BMP8A: variants seen among roughly 807,000 people sequenced by gnomAD.
BMP8A encodes the protein bone morphogenetic protein 8a.
A neutral mutation model predicts 36.8 loss-of-function variants in BMP8A; 14 were observed. The observed-to-expected ratio is 0.38, with a 90% CI of 0.25 to 0.60. The LOEUF is 0.60. Ranked by LOEUF, BMP8A falls within the 20% of genes least tolerant of loss-of-function variation. The pLI is 0.63. For synonymous variants in BMP8A, 120 were observed against 237.7 expected, an observed-to-expected ratio of 0.50 and a Z score of 4.55; for missense variants, 267 against 551.1, an observed-to-expected ratio of 0.48 and a Z score of 5.16.
At chr1:39,501,991 G>A (rs928425356) in intron 1 of BMP8A, among the ~76,000 whole-genome samples, 2 of 151,114 alleles carry the variant, frequency 1.3e-5, no homozygotes, top group African/African-American at 4.9e-5. Flanking sequence ...TATAATCCCA[G>A]CACTTTGGGA....
chr1:39,510,767 C>T (rs1645346777), intron 1 of BMP8A, among the ~76,000 whole-genome samples: 1 of 152,232 alleles, frequency 6.6e-6, no homozygotes, highest in South Asian at 2.1e-4. Flanking sequence ...ACCAGGTTTC[C>T]CTGCAGGGCT....
chr1:39,515,768 C>T lies in BMP8A; in HGVS notation c.673+3864C>T, dbSNP rs1276885860. The T allele has an allele frequency of 1.2e-4, 185 of 1,592,060 alleles. 20 individuals carry two copies. Among genetic ancestry groups the T allele is most frequent in the Non-Finnish European group, 1.5e-4 (169 of 1,164,192 alleles). On this transcript the variant is annotated intron_variant, in intron 3 of 6. Coordinates refer to ENST00000331593, the MANE Select transcript of BMP8A (RefSeq NM_181809.4). ...GATAAAGGGGCAGAAATACGAGAAACGAATTGAGCGCTTAACGATCCGGAA... is the reference window on the plus strand; with the variant it reads ...GATAAAGGGGCAGAAATACGAGAAATGAATTGAGCGCTTAACGATCCGGAA...
chr1:39,496,946 C>G (rs1477382122), intron 1 of BMP8A, among the ~76,000 whole-genome samples: 1 of 152,160 alleles, frequency 6.6e-6, no homozygotes, highest in African/African-American at 2.4e-5. Context: ...CTAGGGAGCC[C>G]CATTCCTACC....
intron 3 of BMP8A, chr1:39,514,894 G>C (rs1645383358): frequency 5.7e-6 from 8 of 1,415,886 alleles, no homozygotes; most frequent in Non-Finnish European, 5.5e-6. Flanking sequence ...GCTCTGTGAC[G>C]CGCGGCCCGA....
At chr1:39,495,130 G>T (rs1287193285) in intron 1 of BMP8A, among the ~76,000 whole-genome samples, 1 of 152,164 alleles carries the variant, frequency 6.6e-6, no homozygotes, top group East Asian at 1.9e-4. Context: ...GGGTCGCTGT[G>T]GTGTCACTGC....
chr1:39,508,932 C>T (rs539123659), intron 1 of BMP8A, among the ~76,000 whole-genome samples: 83 of 152,326 alleles, frequency 5.4e-4, no homozygotes, highest in African/African-American at 3.6e-4. Flanking sequence ...GCCCACAGCG[C>T]GGAAGTTTGG....
In BMP8A at chr1:39,523,099, C is replaced by T. The variant is rs749532350; in HGVS notation, c.1041C>T (p.His347=). The part of the protein sequence containing the change: ...PLDSCMNATN[H]AILQSLVHLM... ...ACTCCTGCATGAACGCCACCAACCA[C>T]GCCATCCTGCAGTCCCTGGTCAGTA... is the stretch of plus-strand genomic sequence containing the variant. Residue 347 remains histidine, a synonymous_variant, in exon 6 of 7, where the codon CAC becomes CAT. Coordinates refer to ENST00000331593, the MANE Select transcript of BMP8A (RefSeq NM_181809.4). 5.1e-5 allele frequency: 82 copies of T among 1,613,978 alleles called. No homozygotes were observed. The East Asian group carries it at 1.6e-3, about 32-fold the overall frequency.
At position 39,515,686 on chromosome 1, in the gene BMP8A, A is replaced by C. The variant is rs542420830; in HGVS notation, c.673+3782A>C. On this transcript the variant is annotated intron_variant, in intron 3 of 6. Transcript: ENST00000331593. ...AAAGCTGCAGACGTCACGGCGGTGGAGGTGGGGGCTTCCCCCCAGAAGACA... is the reference window on the plus strand; with the variant it reads ...AAAGCTGCAGACGTCACGGCGGTGGCGGTGGGGGCTTCCCCCCAGAAGACA... 582 of 1,574,728 alleles carry C rather than the reference A, an allele frequency of 3.7e-4. 75 individuals are homozygous for C. Among genetic ancestry groups the C allele is most frequent in the Admixed American group, 1.3e-3 (74 of 58,406 alleles).
rs796179744 is a variant in BMP8A, at chr1:39,527,940, G to T, written c.*2142G>T. On this transcript the variant is annotated 3_prime_UTR_variant, in exon 7 of 7. Transcript: ENST00000331593. Reference sequence around the variant, plus strand: ...GCTTGAGACATGGCCTGAGCCCCCTGCTGCCATAGGACTTGGGGCCTATCT... The same window carrying T: ...GCTTGAGACATGGCCTGAGCCCCCTTCTGCCATAGGACTTGGGGCCTATCT... Among the ~76,000 whole-genome samples, 3 of 152,204 alleles carry T rather than the reference G, an allele frequency of 2.0e-5. No homozygotes were observed. The highest frequency in any genetic ancestry group is 7.2e-5 in the African/African-American group (3 of 41,442).
chr1:39,506,203 TTTTTTG>T (rs537722152), intron 1 of BMP8A, among the ~76,000 whole-genome samples: 2 of 152,080 alleles, frequency 1.3e-5, no homozygotes, highest in African/African-American at 2.4e-5. Flanking sequence ...ATTTCCTGGT[TTTTTTG>T]TTTTTGTTTT....
At chr1:39,507,168 A>T (rs1479913045) in intron 1 of BMP8A, among the ~76,000 whole-genome samples, 1 of 152,180 alleles carries the variant, frequency 6.6e-6, no homozygotes, top group Non-Finnish European at 1.5e-5. Flanking sequence ...TCCTGGCAGG[A>T]TGTATCTCAG....
chr1:39,493,446 T>A (rs1273037672), intron 1 of BMP8A, among the ~76,000 whole-genome samples: 4 of 152,318 alleles, frequency 2.6e-5, no homozygotes, highest in Admixed American at 1.3e-4. Flanking sequence ...CAGGGCTCAA[T>A]GAGATGACAT....
At chr1:39,499,858 A>C (rs939290657) in intron 1 of BMP8A, among the ~76,000 whole-genome samples, 9 of 152,348 alleles carry the variant, frequency 5.9e-5, no homozygotes, top group Admixed American at 1.3e-4. Flanking sequence ...GGCTGTCACC[A>C]GTCCCTGTTG....
chr1:39,502,598 G>A (rs1437076430), intron 1 of BMP8A, among the ~76,000 whole-genome samples: 1 of 152,228 alleles, frequency 6.6e-6, no homozygotes, highest in Non-Finnish European at 1.5e-5. Context: ...GCTCAGAAAA[G>A]GATGATGGGG....
At chr1:39,499,076 A>G (rs72930250) in intron 1 of BMP8A, among the ~76,000 whole-genome samples, 4,249 of 152,274 alleles carry the variant, frequency 0.028, 190 homozygotes, top group African/African-American at 0.093. Flanking sequence ...GTCCACCCAC[A>G]TGGCTCCATC....
chr1:39,508,341 G>A (rs1263704969), intron 1 of BMP8A, among the ~76,000 whole-genome samples: 2 of 152,108 alleles, frequency 1.3e-5, no homozygotes, highest in African/African-American at 2.4e-5. Context: ...GTCTTCTGAT[G>A]GTCCTGGCTG....
In BMP8A at chr1:39,525,826, A is replaced by G; in HGVS notation, c.*28A>G. On this transcript the variant is annotated 3_prime_UTR_variant, in exon 7 of 7. Transcript: ENST00000331593. ...CAGCCCGCCCAGCCCTACTGCAGCC[A>G]CCCTTCTCATCTGGATCGGGCCCTG... 1.9e-6 allele frequency: 3 copies of G among 1,612,834 alleles called. No individual in the cohort carries two copies. Among genetic ancestry groups the G allele is most frequent in the Non-Finnish European group, 2.5e-6 (3 of 1,179,942 alleles).
Position 39,522,494 on chromosome 1 carries a change from C to G in BMP8A, c.948+12C>G. The G allele has an allele frequency of 1.2e-6, 2 of 1,613,810 alleles. No individual in the cohort carries two copies. The highest frequency in any genetic ancestry group is 1.7e-6 in the Non-Finnish European group (2 of 1,179,758). ...ACCTTGGCTGGCTGGTAATTGCTGA[C>G]TCTCCTTGTTTCTGAAATGACAATC... On this transcript the variant is annotated intron_variant, in intron 5 of 6. Coordinates refer to ENST00000331593, the MANE Select transcript of BMP8A (RefSeq NM_181809.4).
chr1:39,499,039 C>T (rs368726585), intron 1 of BMP8A, among the ~76,000 whole-genome samples: 3 of 152,192 alleles, frequency 2.0e-5, no homozygotes, highest in Admixed American at 1.3e-4. Flanking sequence ...ACACAGCGGC[C>T]GATGAGCTGA....
Sources: gnomAD v4.1 joint callset for allele counts (sites outside exome capture counted in the v4.1 genomes callset) on GRCh38, gnomAD v4.1.1 for gene constraint, MANE v1.5 for transcripts, NCBI Gene and HGNC (gene_info 2026-07-23, HGNC 2026-07-21) for gene names.